The following DMD variants were observed in gnomAD, a reference collection of about 807,000 sequenced individuals.
The protein encoded by DMD is dystrophin.
DMD carries 63 observed loss-of-function variants against 330.1 expected under a neutral mutation model. That is an observed-to-expected ratio of 0.19 (90% confidence interval 0.16 to 0.24). The LOEUF is 0.24. Ranked by LOEUF, DMD falls within the 10% of genes least tolerant of loss-of-function variation. DMD has a pLI of 1.00. For synonymous variants in DMD, 1,223 were observed against 959.8 expected (o/e 1.27, Z -5.07); for missense variants, 3,344 against 2,684.1 (o/e 1.25, Z -5.43).
At chrX:32,327,718 C>G (rs2097658386) in intron 41 of DMD, among the ~76,000 whole-genome samples, 1 of 110,976 alleles carries the variant, frequency 9.0e-6, no homozygotes, top group Admixed American at 9.7e-5. Context: ...TATCCTATGG[C>G]AAGGATTCCA....
intron 2 of DMD, among the ~76,000 whole-genome samples, chrX:32,870,658 A>C (rs1029443599): frequency 2.7e-5 from 3 of 111,020 alleles, no homozygotes; most frequent in Non-Finnish European, 5.7e-5. Context: ...AAACCTGACA[A>C]AAACAAGCAA....
intron 44 of DMD, among the ~76,000 whole-genome samples, chrX:31,969,443 C>G (rs1312154473): frequency 9.0e-6 from 1 of 111,415 alleles, no homozygotes; most frequent in East Asian, 2.8e-4. Flanking sequence ...GAGGTACCTA[C>G]CGTATTTAAA....
At chrX:32,338,728 T>C (rs1255585727) in intron 41 of DMD, among the ~76,000 whole-genome samples, 4 of 111,382 alleles carry the variant, frequency 3.6e-5, no homozygotes, top group Non-Finnish European at 7.5e-5. Context: ...TAGTGGTATC[T>C]TCATTGTATA....
At chrX:31,222,392 CAAAA>C (rs57227723) in intron 64 of DMD, among the ~76,000 whole-genome samples, 1 of 20,626 alleles carries the variant, frequency 4.8e-5, no homozygotes, top group Non-Finnish European at 8.7e-5. Context: ...GACTCCATCT[CAAAA>C]AAAAAAAAAA....
intron 53 of DMD, among the ~76,000 whole-genome samples, chrX:31,673,895 C>CT (rs1452220363): frequency 1.4e-4 from 16 of 111,600 alleles, no homozygotes; most frequent in Admixed American, 2.9e-4. Flanking sequence ...GCTTTGAGAA[C>CT]TTTAAGAGTT....
intron 63 of DMD, among the ~76,000 whole-genome samples, chrX:31,247,798 T>A (rs899974185): frequency 9.0e-6 from 1 of 110,925 alleles, no homozygotes; most frequent in African/African-American, 3.3e-5. Flanking sequence ...AGGAAGAAAA[T>A]TGAAATCACA....
chrX:31,816,270 A>G (rs1383793432), intron 50 of DMD, among the ~76,000 whole-genome samples: 7 of 111,377 alleles, frequency 6.3e-5, no homozygotes, highest in Non-Finnish European at 1.3e-4. Flanking sequence ...AACAATTTAT[A>G]CAGCTCAGGC....
At chrX:32,752,529 A>C (rs1197341345) in intron 7 of DMD, among the ~76,000 whole-genome samples, 5 of 106,488 alleles carry the variant, frequency 4.7e-5, no homozygotes, top group Non-Finnish European at 9.6e-5. Flanking sequence ...GCTCACAGGC[A>C]GAAGGAAATT....
chrX:33,032,882 G>A (rs779730213), intron 1 of DMD, among the ~76,000 whole-genome samples: 6 of 112,000 alleles, frequency 5.4e-5, no homozygotes, highest in Admixed American at 1.9e-4. Context: ...CACCAAATAC[G>A]GAAGTCTTAA....
At chrX:32,122,020 C>T (rs920124642) in intron 44 of DMD, among the ~76,000 whole-genome samples, 1 of 110,519 alleles carries the variant, frequency 9.0e-6, no homozygotes, top group Non-Finnish European at 1.9e-5. Context: ...TGCTCTGTGA[C>T]CCAGGTCTTC....
In DMD at chrX:33,128,983, CTG is replaced by C. The variant is rs770891362; in HGVS notation, c.31+82297_31+82298del. The C allele has an allele frequency of 8.9e-5, 10 of 111,868 alleles. No individual in the cohort carries two copies. In the East Asian group the frequency reaches 2.8e-3, roughly 31 times the overall value. The allele number at this position is 111,868 out of a possible 1,213,427, so 9.2% of individuals were successfully genotyped here. On this transcript the variant is annotated intron_variant, in intron 1 of 78. Coordinates refer to ENST00000357033, the MANE Select transcript of DMD (RefSeq NM_004006.3). ...GAACGAAACTTCATCCACATAAACC[CTG>C]TGTTTTAAAAAAAGAATTAAAAGGA...
chrX:32,724,406 T>G (rs944731814), intron 7 of DMD, among the ~76,000 whole-genome samples: 1 of 111,713 alleles, frequency 9.0e-6, no homozygotes, highest in African/African-American at 3.2e-5. Context: ...TCTACTAAAG[T>G]CTGCTTTTTA....
At chrX:32,401,220 T>C (rs1454249846) in intron 30 of DMD, among the ~76,000 whole-genome samples, 2 of 106,388 alleles carry the variant, frequency 1.9e-5, no homozygotes, top group Non-Finnish European at 3.9e-5. Context: ...TTGGGAGATA[T>C]ACCTAATGCT....
Position 31,126,673 on chromosome X carries a change from C to T in DMD, c.11015G>A (p.Gly3672Glu), listed in dbSNP as rs1190044383. ...CATTGGCTTTCCAGGGGTATTTCTT[C>T]CTTTAATAATAGAGAGAGGAAGAGG... ...QLNNSFPSSRGRNTPGKPMRE... is the reference protein window; with the variant it reads ...QLNNSFPSSRERNTPGKPMRE... The change falls in exon 78 of 79, where the codon GGA (glycine) becomes GAA (glutamate). Residue 3672 changes from glycine (G) to glutamate (E), a missense_variant and splice_region_variant. By Grantham distance (98) the Gly-to-Glu change is moderately conservative (BLOSUM62 -2). Coordinates refer to ENST00000357033, the MANE Select transcript of DMD (RefSeq NM_004006.3). 8.4e-7 allele frequency: 1 copy of T among 1,186,913 alleles called. No individual in the cohort carries two copies. The highest frequency in any genetic ancestry group is 1.8e-5 in the African/African-American group (1 of 56,190).
intron 45 of DMD, among the ~76,000 whole-genome samples, chrX:31,937,456 AC>A (rs2094937940): frequency 1.8e-5 from 2 of 111,844 alleles, no homozygotes; most frequent in African/African-American, 6.5e-5. Context: ...TTTTAAAAAA[AC>A]AGCATCTTTT....
chrX:31,925,723 T>C (rs955689197), intron 47 of DMD, among the ~76,000 whole-genome samples: 1 of 109,566 alleles, frequency 9.1e-6, no homozygotes, highest in Non-Finnish European at 1.9e-5. Flanking sequence ...AATACAAAAA[T>C]TAGCCAGGCG....
chrX:31,894,022 G>A (rs1460984813), intron 47 of DMD, among the ~76,000 whole-genome samples: 1 of 111,518 alleles, frequency 9.0e-6, no homozygotes, highest in Admixed American at 9.5e-5. Context: ...CTGACACCTG[G>A]ATGCCTGTGA....
intron 60 of DMD, among the ~76,000 whole-genome samples, chrX:31,443,848 T>A (rs1285917424): frequency 8.9e-6 from 1 of 111,835 alleles, no homozygotes; most frequent in East Asian, 2.8e-4. Flanking sequence ...TCCATCATGA[T>A]TCAGCATTAT....
intron 1 of DMD, among the ~76,000 whole-genome samples, chrX:33,088,988 C>T (rs754931186): frequency 1.6e-3 from 173 of 109,653 alleles, no homozygotes; most frequent in Middle Eastern, 0.014. Flanking sequence ...ACACATATAT[C>T]TAAATGTGAA....
Sources: gnomAD v4.1 joint callset for allele counts (sites outside exome capture counted in the v4.1 genomes callset) on GRCh38, gnomAD v4.1.1 for gene constraint, MANE v1.5 for transcripts, NCBI Gene and HGNC (gene_info 2026-07-23, HGNC 2026-07-21) for gene names.